The following GLDN variants were observed in gnomAD, a reference collection of about 807,000 sequenced individuals.
GLDN encodes gliomedin.
Under a neutral mutation model 56.5 loss-of-function variants are expected in GLDN, and 47 were observed. The observed-to-expected ratio is 0.83, with a 90% CI of 0.66 to 1.06. The LOEUF is 1.06. Among genes scored for constraint, GLDN ranks in the 50% least tolerant of loss-of-function variants. GLDN has a pLI of 0.00. For missense variants in GLDN, 782 were observed against 714.3 expected, an observed-to-expected ratio of 1.09 and a Z score of -1.08; for synonymous variants, 332 against 278.8, an observed-to-expected ratio of 1.19 and a Z score of -1.90.
intron 6 of GLDN, among the ~76,000 whole-genome samples, chr15:51,399,035 T>C (rs1002294883): frequency 6.6e-6 from 1 of 152,196 alleles, no homozygotes; most frequent in Non-Finnish European, 1.5e-5. Context: ...AAGGAGTCTT[T>C]GGTTGCCAAG....
chr15:51,387,056 G>C (rs1446241938), intron 4 of GLDN, among the ~76,000 whole-genome samples: 3 of 152,118 alleles, frequency 2.0e-5, no homozygotes, highest in Non-Finnish European at 2.9e-5. Flanking sequence ...TGGGCATGTG[G>C]GCAGGGGTGA....
intron 1 of GLDN, among the ~76,000 whole-genome samples, chr15:51,360,014 T>C (rs1252251062): frequency 2.6e-5 from 4 of 151,150 alleles, no homozygotes; most frequent in Admixed American, 2.6e-4. Context: ...CATACCTCTT[T>C]GTCACCTGAC....
intron 4 of GLDN, among the ~76,000 whole-genome samples, chr15:51,391,581 C>T (rs1035510644): frequency 3.3e-5 from 5 of 152,174 alleles, no homozygotes; most frequent in Non-Finnish European, 1.5e-5. Context: ...GACAAAAGAA[C>T]GTCTTCTCAC....
At chr15:51,384,929 A>AC (rs1216882861) in intron 4 of GLDN, 3 of 152,094 alleles carry the variant, frequency 2.0e-5, no homozygotes, top group Admixed American at 2.0e-4. Flanking sequence ...TCCTTTGGTC[A>AC]CCTCCACTCT....
chr15:51,404,499 C>T lies in GLDN; in HGVS notation c.1401C>T (p.Tyr467=), dbSNP rs2038329418. The T allele has an allele frequency of 6.2e-7, 1 of 1,614,130 alleles. No individual in the cohort carries two copies. Among genetic ancestry groups the T allele is most frequent in the Non-Finnish European group, 8.5e-7 (1 of 1,179,992 alleles). ...FSVVQHVNTT[Y]PKSKAGNAFI... ...TGGTGCAACACGTCAATACCACGTA[C>T]CCTAAATCCAAGGCTGGCAACGCCT... Residue 467 remains tyrosine (Y), a synonymous_variant, in exon 10 of 10, where the codon TAC becomes TAT. Coordinates refer to ENST00000335449, the MANE Select transcript of GLDN (RefSeq NM_181789.4).
intron 1 of GLDN, chr15:51,367,568 C>T (rs2141073139): frequency 6.6e-6 from 1 of 152,326 alleles, no homozygotes; most frequent in African/African-American, 2.4e-5. Flanking sequence ...CCAGTCTCCA[C>T]CAATTCAGTG....
chr15:51,361,225 T>C (rs1267799148), intron 1 of GLDN, among the ~76,000 whole-genome samples: 1 of 152,240 alleles, frequency 6.6e-6, no homozygotes, highest in African/African-American at 2.4e-5. Flanking sequence ...TCTTCTGCAC[T>C]TATTTGTGTC....
intron 1 of GLDN, among the ~76,000 whole-genome samples, chr15:51,347,819 T>G (rs531058561): frequency 6.6e-6 from 1 of 152,298 alleles, no homozygotes; most frequent in African/African-American, 2.4e-5. Context: ...ACTAGTTAAA[T>G]TAATCTATAC....
intron 1 of GLDN, among the ~76,000 whole-genome samples, chr15:51,362,646 A>T (rs1201431902): frequency 6.6e-6 from 1 of 152,102 alleles, no homozygotes; most frequent in Non-Finnish European, 1.5e-5. Context: ...AAGAAGAGTG[A>T]CATGATCTCA....
intron 1 of GLDN, among the ~76,000 whole-genome samples, chr15:51,359,176 G>A (rs1276814138): frequency 2.6e-5 from 4 of 152,186 alleles, no homozygotes; most frequent in African/African-American, 9.6e-5. Flanking sequence ...AGGAGGAGGA[G>A]ACTTTGGCCC....
At chr15:51,372,239 A>G (rs1417959189) in intron 1 of GLDN, among the ~76,000 whole-genome samples, 1 of 152,196 alleles carries the variant, frequency 6.6e-6, no homozygotes, top group Non-Finnish European at 1.5e-5. Context: ...TCATGATCCA[A>G]TAACCTCTTA....
intron 4 of GLDN, chr15:51,384,417 C>T: frequency 5.6e-6 from 1 of 177,390 alleles, no homozygotes; most frequent in South Asian, 1.4e-4. Context: ...GTCAAAGGGT[C>T]TCCTCTTCAG....
chr15:51,385,607 A>AG (rs2037874549), intron 4 of GLDN: 1 of 152,222 alleles, frequency 6.6e-6, no homozygotes. Context: ...TATCATAGAA[A>AG]GGGGTGGGAA....
intron 2 of GLDN, among the ~76,000 whole-genome samples, chr15:51,377,861 C>T (rs551681166): frequency 6.6e-6 from 1 of 152,260 alleles, no homozygotes; most frequent in Admixed American, 6.5e-5. Flanking sequence ...TACTTATTGG[C>T]CAGATTGGCC....
rs761539463 is a variant in GLDN, at chr15:51,406,206, G to A, written c.*1452G>A. On this transcript the variant is annotated 3_prime_UTR_variant, in exon 10 of 10. Transcript: ENST00000335449. ...TAAAGGATGTGATCTGGTCCCCTTG[G>A]ATGCCAGGAGAGAATCCAGTTGAAC... is the stretch of plus-strand genomic sequence containing the variant. 6 of 152,196 alleles carry A rather than the reference G, an allele frequency of 3.9e-5. No individual in the cohort carries two copies. The highest frequency in any genetic ancestry group is 1.2e-4 in the African/African-American group (5 of 41,448). The allele number at this position is 152,196 out of a possible 1,614,324, so 9.4% of individuals were successfully genotyped here.
rs764149890 is a variant in GLDN at position 51,383,802 on chromosome 15, G to A, written c.451G>A (p.Gly151Arg). The part of the protein sequence containing the change: ...SGPPGPPGAG[G>R]LPGHNGLDGQ... ...TGATGCAGGACCTCCGGGAGCCGGC[G>A]GGTTGCCAGGACACAACGGATTGGA... Residue 151 changes from glycine to arginine, a missense_variant, in exon 4 of 10, where the codon GGG becomes AGG. Gly to Arg is a moderately radical substitution (Grantham distance 125, BLOSUM62 -2). Transcript: ENST00000335449. 6 of 1,610,928 alleles carry A rather than the reference G, an allele frequency of 3.7e-6. No homozygotes were observed. The highest frequency in any genetic ancestry group is 3.4e-5 in the Admixed American group (2 of 59,410).
intron 1 of GLDN, among the ~76,000 whole-genome samples, chr15:51,361,767 T>C (rs2037304397): frequency 6.6e-6 from 1 of 152,126 alleles, no homozygotes; most frequent in South Asian, 2.1e-4. Context: ...ATAAGTGCTA[T>C]GAAGAACAAT....
At chr15:51,403,057 T>G (rs2038290297) in intron 9 of GLDN, among the ~76,000 whole-genome samples, 1 of 152,194 alleles carries the variant, frequency 6.6e-6, no homozygotes. Flanking sequence ...AGTTCTGCGG[T>G]GGATAACCCC....
rs753813169 is a variant in GLDN, at chr15:51,401,759, G to C, written c.1178+16G>C. The C allele has an allele frequency of 6.2e-7, 1 of 1,609,688 alleles. No individual in the cohort carries two copies. Among genetic ancestry groups the C allele is most frequent in the Non-Finnish European group, 8.5e-7 (1 of 1,177,440 alleles). ...CCCTAGTGAGGTAAGTCGCACCACAGCACCTTCTCACGCCTCTCAGGCAGC... is the reference window on the plus strand; with the variant it reads ...CCCTAGTGAGGTAAGTCGCACCACACCACCTTCTCACGCCTCTCAGGCAGC... On this transcript the variant is annotated intron_variant, in intron 9 of 9. Coordinates refer to ENST00000335449, the MANE Select transcript of GLDN (RefSeq NM_181789.4).
Sources: gnomAD v4.1 joint callset for allele counts (sites outside exome capture counted in the v4.1 genomes callset) on GRCh38, gnomAD v4.1.1 for gene constraint, MANE v1.5 for transcripts, NCBI Gene and HGNC (gene_info 2026-07-23, HGNC 2026-07-21) for gene names.